The following TRAPPC12 variants were observed in gnomAD, a reference collection of about 807,000 sequenced individuals.
The protein encoded by TRAPPC12 is trafficking protein particle complex subunit 12, also known as TPR repeat protein 15.
A neutral mutation model predicts 69.2 loss-of-function variants in TRAPPC12; 61 were observed. The observed-to-expected ratio is 0.88, with a 90% CI of 0.72 to 1.09. TRAPPC12 has a LOEUF of 1.09. Ranked by LOEUF, TRAPPC12 falls within the 50% of genes least tolerant of loss-of-function variation. The probability of loss-of-function intolerance (pLI) is 0.00; values close to 1 mark genes in which losing one functional copy is unlikely to be tolerated. For synonymous variants in TRAPPC12, 469 were observed against 438.9 expected (o/e 1.07, Z -0.86); for missense variants, 1,101 against 1,016.4 (o/e 1.08, Z -1.13).
At chr2:3,429,505 G>A (rs762238762) in intron 5 of TRAPPC12, among the ~76,000 whole-genome samples, 10 of 152,108 alleles carry the variant, frequency 6.6e-5, no homozygotes, top group East Asian at 1.9e-4. Context: ...TTTCCTATTC[G>A]CGTTTCTCTG....
chr2:3,464,102 G>C (rs1665663864), intron 8 of TRAPPC12, among the ~76,000 whole-genome samples: 2 of 152,060 alleles, frequency 1.3e-5, no homozygotes, highest in African/African-American at 4.8e-5. Context: ...AGGTCACAAA[G>C]CCCTCCCCTG....
chr2:3,442,384 A>G (rs1374254358), intron 5 of TRAPPC12, among the ~76,000 whole-genome samples: 1 of 152,204 alleles, frequency 6.6e-6, no homozygotes, highest in Non-Finnish European at 1.5e-5. Context: ...TGGCTTACAT[A>G]TAACTTACCA....
intron 3 of TRAPPC12, among the ~76,000 whole-genome samples, chr2:3,419,472 A>G (rs888333530): frequency 6.6e-6 from 1 of 152,218 alleles, no homozygotes; most frequent in Non-Finnish European, 1.5e-5. Context: ...ACCAGAACAC[A>G]GAAATCCTGT....
chr2:3,456,479 C>G (rs1665158546), intron 6 of TRAPPC12: 1 of 152,230 alleles, frequency 6.6e-6, no homozygotes, highest in Non-Finnish European at 1.5e-5. Context: ...ACACGTTGCA[C>G]AAAACGTATT....
chr2:3,389,807 G>A lies in TRAPPC12; in HGVS notation c.1047+1137G>A, dbSNP rs759136584. On this transcript the variant is annotated intron_variant, in intron 2 of 11. Transcript: ENST00000324266. ...GAGGAGGGCGGACGAGTTTTATTGA[G>A]CACAAAACAGCTCTCAGCAGAGAGG... The A allele has an allele frequency of 3.6e-5, 17 of 470,806 alleles. 2 individuals carry two copies. Among genetic ancestry groups the A allele is most frequent in the South Asian group, 2.6e-4 (17 of 64,564 alleles). The allele number at this position is 470,806 out of a possible 1,614,324, so 29.2% of individuals were successfully genotyped here.
intron 3 of TRAPPC12, among the ~76,000 whole-genome samples, chr2:3,410,891 G>A (rs1012586851): frequency 3.9e-5 from 6 of 152,156 alleles, no homozygotes; most frequent in Admixed American, 2.0e-4. Flanking sequence ...TTAGCTGGGC[G>A]TGGTGGTGCA....
chr2:3,436,612 A>C lies in TRAPPC12; in HGVS notation c.1418-7167A>C, dbSNP rs568865623. Among the ~76,000 whole-genome samples the C allele has an allele frequency of 1.4e-4, 22 of 152,134 alleles. No individual in the cohort carries two copies. The South Asian group carries it at 2.3e-3, about 16-fold the overall frequency. ...GTTGTTAAAGTACATAGTTTACCTT[A>C]GGGCTCACTCTTGGTGTTGTCCCTT... On this transcript the variant is annotated intron_variant, in intron 5 of 11. Transcript: ENST00000324266.
intron 1 of TRAPPC12, among the ~76,000 whole-genome samples, 199 bp downstream of exon 1, chr2:3,380,075 C>T (rs150488373): frequency 2.0e-5 from 3 of 152,332 alleles, no homozygotes; most frequent in African/African-American, 7.2e-5. Context: ...GGCTCCACGT[C>T]GCCGCGGCCC....
chr2:3,463,065 C>A, intron 8 of TRAPPC12: 1 of 426,178 alleles, frequency 2.3e-6, no homozygotes. Flanking sequence ...TAGACTTGTC[C>A]CTGGAAGTAA....
intron 9 of TRAPPC12, among the ~76,000 whole-genome samples, chr2:3,470,791 G>A (rs1019442788): frequency 3.9e-5 from 6 of 152,118 alleles, no homozygotes; most frequent in African/African-American, 1.4e-4. Flanking sequence ...ATTCTAAAGA[G>A]TGGAAATAGA....
At chr2:3,382,537 G>C (rs1178104541) in intron 1 of TRAPPC12, among the ~76,000 whole-genome samples, 1 of 152,174 alleles carries the variant, frequency 6.6e-6, no homozygotes, top group Non-Finnish European at 1.5e-5. Context: ...CTCCATGATA[G>C]GTATCTAGCA....
chr2:3,471,114 G>C (rs1263535059), intron 9 of TRAPPC12, among the ~76,000 whole-genome samples: 1 of 152,254 alleles, frequency 6.6e-6, no homozygotes, highest in Non-Finnish European at 1.5e-5. Context: ...GGATGGCACA[G>C]ATGCCCTCAC....
At chr2:3,413,284 C>G (rs1028841489) in intron 3 of TRAPPC12, among the ~76,000 whole-genome samples, 1 of 152,130 alleles carries the variant, frequency 6.6e-6, no homozygotes, top group Non-Finnish European at 1.5e-5. Flanking sequence ...GAAATATGGT[C>G]TTGGTTTCTT....
chr2:3,430,971 A>G (rs1443475655), intron 5 of TRAPPC12, among the ~76,000 whole-genome samples: 1 of 151,552 alleles, frequency 6.6e-6, no homozygotes, highest in Non-Finnish European at 1.5e-5. Flanking sequence ...CTGGGTGTGA[A>G]GGAGCTCTGC....
chr2:3,468,785 G>GCCAC (rs1429567797), intron 9 of TRAPPC12, among the ~76,000 whole-genome samples: 18,302 of 152,108 alleles, frequency 0.12, 1,234 homozygotes, highest in South Asian at 0.19. Context: ...CACGTATCCG[G>GCCAC]ACACTCACAC....
chr2:3,413,914 C>G (rs1662199435), intron 3 of TRAPPC12, among the ~76,000 whole-genome samples: 2 of 152,150 alleles, frequency 1.3e-5, no homozygotes, highest in Non-Finnish European at 2.9e-5. Flanking sequence ...CGATAGTACC[C>G]ATTTGCCCTG....
chr2:3,393,699 AAAAAAG>A (rs1289626587), intron 2 of TRAPPC12, among the ~76,000 whole-genome samples: 1 of 133,456 alleles, frequency 7.5e-6, no homozygotes, highest in Admixed American at 7.4e-5. Context: ...TAAAAAAAAA[AAAAAAG>A]AACTGGAAAT....
intron 2 of TRAPPC12, among the ~76,000 whole-genome samples, chr2:3,390,562 A>T (rs1394822526): frequency 6.6e-6 from 1 of 152,234 alleles, no homozygotes; most frequent in Admixed American, 6.5e-5. Flanking sequence ...GTAAGTTTTT[A>T]AAATGATGCC....
chr2:3,471,403 C>G (rs1666053668), intron 9 of TRAPPC12, among the ~76,000 whole-genome samples: 1 of 152,208 alleles, frequency 6.6e-6, no homozygotes, highest in Non-Finnish European at 1.5e-5. Flanking sequence ...GCCACGTTCC[C>G]TGCCAACTGT....
Sources: allele counts gnomAD v4.1 joint callset (sites outside exome capture counted in the v4.1 genomes callset), GRCh38; gene constraint gnomAD v4.1.1; transcripts MANE v1.5; gene names NCBI Gene and HGNC (gene_info 2026-07-23, HGNC 2026-07-21).